The following TTC33 variants were observed in gnomAD, a reference collection of about 807,000 sequenced individuals.
The protein encoded by TTC33 is tetratricopeptide repeat domain 33.
TTC33 carries 24 observed loss-of-function variants against 29.4 expected under a neutral mutation model. The ratio of observed to expected loss-of-function variants is 0.82; its 90% confidence interval spans 0.59 to 1.15. The LOEUF is 1.15. Ranked by LOEUF, TTC33 falls within the 50% of genes most tolerant of loss-of-function variation. The pLI, the probability that TTC33 is intolerant of heterozygous loss-of-function variation, is 0.00. For missense variants in TTC33, 286 were observed against 310.4 expected (o/e 0.92, Z 0.59); for synonymous variants, 107 against 100.3 (o/e 1.07, Z -0.40).
chr5:40,730,420 A>G, intron 2 of TTC33, 77 bp from the exon 3 acceptor site: 1 of 1,165,012 alleles, frequency 8.6e-7, no homozygotes, highest in Non-Finnish European at 1.3e-6. Context: ...TTTTTATTGT[A>G]GTAAAATATA....
In TTC33 at chr5:40,714,480, A is replaced by G. The variant is rs1741960223; in HGVS notation, c.*1665T>C. The G allele has an allele frequency of 6.6e-6, 1 of 152,188 alleles. No homozygotes were observed. The highest frequency in any genetic ancestry group is 1.5e-5 in the Non-Finnish European group (1 of 67,988). 9.4% of individuals were successfully genotyped at this position (152,188 alleles called of 1,614,324 possible). A position where few individuals can be genotyped will look rare whatever the true frequency, so the allele number is the denominator to read the frequency against. On this transcript the variant is annotated 3_prime_UTR_variant, in exon 5 of 5. Transcript: ENST00000337702. ...TAATAGGAAAATCTTCAAAATGCAG[A>G]AAAAAACTATTTATTCACAAATTAC...
Position 40,728,345 on chromosome 5 carries a change from C to G in TTC33, c.435G>C (p.Leu145=), listed in dbSNP as rs1433929778. 5 of 1,564,596 alleles carry G rather than the reference C, an allele frequency of 3.2e-6. No homozygotes were observed. The highest frequency in any genetic ancestry group is 3.5e-6 in the Non-Finnish European group (4 of 1,157,764). Reference sequence around the variant, plus strand: ...CATTATAATAATCTGACTTCCTCACCAGGATTATCTCTCCTAAACCAAGTT... The same window carrying G: ...CATTATAATAATCTGACTTCCTCACGAGGATTATCTCTCCTAAACCAAGTT... The part of the protein sequence containing the change: ...RAQLGLGEII[L]AIRSFQVALH... Residue 145 remains leucine (L), a splice_region_variant and synonymous_variant, in exon 4 of 5, where the codon CTG becomes CTC. Coordinates refer to ENST00000337702, the MANE Select transcript of TTC33 (RefSeq NM_012382.3).
At chr5:40,721,720 C>G (rs1161264473) in intron 4 of TTC33, among the ~76,000 whole-genome samples, 1 of 151,808 alleles carries the variant, frequency 6.6e-6, no homozygotes, top group Admixed American at 6.6e-5. Context: ...CAGGGAAAAC[C>G]TTCATGACAT....
intron 2 of TTC33, among the ~76,000 whole-genome samples, chr5:40,743,084 A>C (rs932959918): frequency 2.6e-5 from 4 of 152,226 alleles, no homozygotes; most frequent in Non-Finnish European, 5.9e-5. Context: ...TATTCTAAAC[A>C]CACTAAATAA....
chr5:40,717,929 G>T (rs10042750), intron 4 of TTC33, among the ~76,000 whole-genome samples: 45,173 of 151,812 alleles, frequency 0.3, 6,963 homozygotes, highest in East Asian at 0.55. Context: ...AGGTGTGGTG[G>T]TGCACGCCTG....
chr5:40,723,843 C>T (rs780260389), intron 4 of TTC33, among the ~76,000 whole-genome samples: 6 of 151,648 alleles, frequency 4.0e-5, no homozygotes, highest in African/African-American at 9.7e-5. Context: ...CCAGCCTGGG[C>T]GACAGAGCAA....
chr5:40,724,853 AT>A (rs369051268), intron 4 of TTC33, among the ~76,000 whole-genome samples: 25,319 of 137,916 alleles, frequency 0.18, 2,079 homozygotes, highest in African/African-American at 0.26. Flanking sequence ...TTACAAGTGG[AT>A]TTTTTTTTTT....
At chr5:40,733,520 T>G (rs1258691787) in intron 2 of TTC33, among the ~76,000 whole-genome samples, 2 of 152,202 alleles carry the variant, frequency 1.3e-5, no homozygotes, top group Non-Finnish European at 2.9e-5. Flanking sequence ...TGTTAAAAGC[T>G]TATCATATTT....
At chr5:40,721,010 G>A (rs1315417346) in intron 4 of TTC33, among the ~76,000 whole-genome samples, 1 of 152,150 alleles carries the variant, frequency 6.6e-6, no homozygotes, top group Admixed American at 6.5e-5. Flanking sequence ...CGGAGGTTTG[G>A]AAGAGTAGTC....
intron 3 of TTC33, among the ~76,000 whole-genome samples, chr5:40,729,784 C>T (rs189033517): frequency 3.2e-4 from 48 of 152,254 alleles, no homozygotes; most frequent in African/African-American, 1.1e-3. Context: ...CTGCAACCTC[C>T]GCCTCCCACG....
At chr5:40,722,763 G>T (rs544918456) in intron 4 of TTC33, among the ~76,000 whole-genome samples, 2 of 151,218 alleles carry the variant, frequency 1.3e-5, no homozygotes, top group African/African-American at 2.4e-5. Context: ...CAGACGCCCC[G>T]TCCCGGAGGT....
At position 40,720,189 on chromosome 5, in the gene TTC33, G is replaced by A. The variant is rs1212837946; in HGVS notation, c.436-3691C>T. 2.6e-5 allele frequency among the ~76,000 whole-genome samples: 4 copies of A among 152,212 alleles called. No homozygotes were observed. The East Asian group carries it at 7.7e-4, about 29-fold the overall frequency. On this transcript the variant is annotated intron_variant, in intron 4 of 4. Coordinates refer to ENST00000337702, the MANE Select transcript of TTC33 (RefSeq NM_012382.3). ...GTTTTATAATACTTTTAGTTCTTAT[G>A]TTTAGGTCTTTGTTTGTTTTTGAGT...
chr5:40,750,710 T>G (rs1415128279), intron 1 of TTC33, among the ~76,000 whole-genome samples: 1 of 152,226 alleles, frequency 6.6e-6, no homozygotes, highest in Non-Finnish European at 1.5e-5. Flanking sequence ...ACTGTCAAAC[T>G]CTGCCACTGC....
At position 40,738,539 on chromosome 5, in the gene TTC33, C is replaced by CAATAAAATAAAATAAAATAA. The variant is rs1164887852; in HGVS notation, c.222-8216_222-8197dup. On this transcript the variant is annotated intron_variant, in intron 2 of 4. Transcript: ENST00000337702. ...CAATAAAATAAAATACAATAAAATA[C>CAATAAAATAAAATAAAATAA]AATAAAATAAAATAAAATAAAATAA... Among the ~76,000 whole-genome samples, 67 of 67,410 alleles carry CAATAAAATAAAATAAAATAA rather than the reference C, an allele frequency of 9.9e-4. 2 individuals carry two copies. In the South Asian group the frequency reaches 0.012, roughly 12 times the overall value. The allele number at this position is 67,410 out of a possible 152,430, so 44.2% of individuals were successfully genotyped here.
In TTC33 at chr5:40,714,952, G is replaced by A. The variant is rs1561140856; in HGVS notation, c.*1193C>T. 1 of 151,952 alleles carries A rather than the reference G, an allele frequency of 6.6e-6. No homozygotes were observed. The highest frequency in any genetic ancestry group is 2.4e-5 in the African/African-American group (1 of 41,392). The allele number at this position is 151,952 out of a possible 1,614,324, so 9.4% of individuals were successfully genotyped here. ...CTATATTATTGTACTACAATATATA[G>A]TATAAAAATAATAGTTCAGATTAGC... On this transcript the variant is annotated 3_prime_UTR_variant, in exon 5 of 5. Transcript: ENST00000337702.
intron 3 of TTC33, among the ~76,000 whole-genome samples, chr5:40,729,581 A>G (rs1742375176): frequency 6.6e-6 from 1 of 152,192 alleles, no homozygotes; most frequent in Admixed American, 6.5e-5. Flanking sequence ...CTAGAACCCA[A>G]TCCATCCTCA....
At chr5:40,717,106 G>C (rs998420762) in intron 4 of TTC33, among the ~76,000 whole-genome samples, 1 of 151,572 alleles carries the variant, frequency 6.6e-6, no homozygotes, top group Non-Finnish European at 1.5e-5. Flanking sequence ...GCGGGTGCCT[G>C]TAATCCCAGC....
Position 40,728,492 on chromosome 5 carries a change from G to T in TTC33, c.304-16C>A, listed in dbSNP as rs1579677313. Reference sequence around the variant, plus strand: ...ACATTAGCACCTATAGGCAAAAAAAGACCAAAAAATCTGTCAGTAATATTC... The same window carrying T: ...ACATTAGCACCTATAGGCAAAAAAATACCAAAAAATCTGTCAGTAATATTC... On this transcript the variant is annotated splice_polypyrimidine_tract_variant and intron_variant, in intron 3 of 4. Coordinates refer to ENST00000337702, the MANE Select transcript of TTC33 (RefSeq NM_012382.3). 6.3e-7 allele frequency: 1 copy of T among 1,575,382 alleles called. No individual in the cohort carries two copies. Among genetic ancestry groups the T allele is most frequent in the African/African-American group, 1.4e-5 (1 of 72,762 alleles).
rs1286758071 is a variant in TTC33, at chr5:40,738,567, T to TAAAATATAAA, written c.222-8225_222-8224insTTTATATTTT. On this transcript the variant is annotated intron_variant, in intron 2 of 4. Transcript: ENST00000337702. Reference sequence around the variant, plus strand: ...TAAAATAAAATAAAATAAAATAAAATATAAAATAAAATAAAATAAAATAAA... The same window carrying TAAAATATAAA: ...TAAAATAAAATAAAATAAAATAAAATAAAATATAAAATAAAATAAAATAAAATAAAATAAA... 4.8e-3 allele frequency among the ~76,000 whole-genome samples: 327 copies of TAAAATATAAA among 67,538 alleles called. 5 individuals are homozygous for TAAAATATAAA. Among genetic ancestry groups the TAAAATATAAA allele is most frequent in the Non-Finnish European group, 5.2e-3 (162 of 31,118 alleles). 44.3% of individuals were successfully genotyped at this position (67,538 alleles called of 152,430 possible).
Sources: allele counts gnomAD v4.1 joint callset (sites outside exome capture counted in the v4.1 genomes callset), GRCh38; gene constraint gnomAD v4.1.1; transcripts MANE v1.5; gene names NCBI Gene and HGNC (gene_info 2026-07-23, HGNC 2026-07-21).